The following NEK1 variants were observed in gnomAD, a reference collection of about 807,000 sequenced individuals.
NEK1 encodes NIMA related kinase 1.
In NEK1, 137 loss-of-function variants were observed where a neutral mutation model predicts 182.1. The observed-to-expected ratio is 0.75, with a 90% CI of 0.65 to 0.87. The LOEUF is 0.87. Among genes scored for constraint, NEK1 ranks in the 40% least tolerant of loss-of-function variants. The pLI is 0.00. For synonymous variants in NEK1, 513 were observed against 492.2 expected (o/e 1.04, Z -0.56); for missense variants, 1,391 against 1,494.4 (o/e 0.93, Z 1.14).
chr4:169,473,851 T>C (rs960732048), intron 26 of NEK1, among the ~76,000 whole-genome samples: 1 of 152,112 alleles, frequency 6.6e-6, no homozygotes, highest in African/African-American at 2.4e-5. Flanking sequence ...ATCCAGGATG[T>C]CGAAGCTGTA....
At chr4:169,567,114 G>A (rs1763830059) in intron 12 of NEK1, among the ~76,000 whole-genome samples, 1 of 151,844 alleles carries the variant, frequency 6.6e-6, no homozygotes, top group African/African-American at 2.4e-5. Flanking sequence ...AAAATCAAGG[G>A]AAAAACCTAT....
At chr4:169,399,126 G>A (rs1204937145) in intron 35 of NEK1, among the ~76,000 whole-genome samples, 1 of 151,606 alleles carries the variant, frequency 6.6e-6, no homozygotes, top group Non-Finnish European at 1.5e-5. Flanking sequence ...GCACCTGTAG[G>A]CCAAGCTACT....
rs549434932 is a variant in NEK1, at chr4:169,537,195, C to T, written c.1665+614G>A. Reference sequence around the variant, plus strand: ...CATTTGTGAACCTCTACAAATCAAACTATGAAGAGTTTTAACTACCTCAAA... The same window carrying T: ...CATTTGTGAACCTCTACAAATCAAATTATGAAGAGTTTTAACTACCTCAAA... On this transcript the variant is annotated intron_variant, in intron 19 of 35. Coordinates refer to ENST00000507142, the MANE Select transcript of NEK1 (RefSeq NM_001199397.3). Among the ~76,000 whole-genome samples the T allele has an allele frequency of 2.0e-5, 3 of 152,196 alleles. No individual in the cohort carries two copies. In the South Asian group the frequency reaches 6.2e-4, roughly 32 times the overall value.
At position 169,585,422 on chromosome 4, in the gene NEK1, T is replaced by C. The variant is rs756066992; in HGVS notation, c.734A>G (p.Asp245Gly). The C allele has an allele frequency of 1.9e-6, 3 of 1,613,716 alleles. No individual in the cohort carries two copies. The highest frequency in any genetic ancestry group is 2.5e-6 in the Non-Finnish European group (3 of 1,179,750). Residue 245 changes from aspartate to glycine, a missense_variant, in exon 10 of 36, where the codon GAT (aspartate) becomes GGT (glycine). Around this residue, in one of 5 missense-constraint regions of NEK1, gnomAD observed 1,216 missense variants for 1,277.6 expected, o/e 0.95. Transcript: ENST00000507142. ...VSQLFKRNPRDRPSVNSILEK... is the reference protein window; with the variant it reads ...VSQLFKRNPRGRPSVNSILEK... ...CAATATGGAGTTGACTGATGGTCTA[T>C]CCCTAGGATTTCTTTTAAATAACTG...
At position 169,561,418 on chromosome 4, in the gene NEK1, T is replaced by C. The variant is rs1448233882; in HGVS notation, c.1266+62A>G. On this transcript the variant is annotated intron_variant, in intron 16 of 35. Transcript: ENST00000507142. ...GAAAATCCCAAGTACATGCATTTTATAGAACAAGGTGGAACTGGAGGGGAA... is the reference window on the plus strand; with the variant it reads ...GAAAATCCCAAGTACATGCATTTTACAGAACAAGGTGGAACTGGAGGGGAA... 1.6e-5 allele frequency: 23 copies of C among 1,399,686 alleles called. No individual in the cohort carries two copies. The Middle Eastern group carries it at 5.3e-4, about 32-fold the overall frequency. 86.7% of individuals were successfully genotyped at this position (1,399,686 alleles called of 1,614,324 possible).
chr4:169,502,264 C>A (rs1418743832), intron 23 of NEK1, among the ~76,000 whole-genome samples: 6 of 144,438 alleles, frequency 4.2e-5, no homozygotes, highest in Admixed American at 1.4e-4. Flanking sequence ...AACTACCAAT[C>A]AAAAAAAAAA....
At chr4:169,561,333 T>TA in intron 16 of NEK1, 147 bp downstream of exon 16, 1 of 683,550 alleles carries the variant, frequency 1.5e-6, no homozygotes, top group Non-Finnish European at 2.6e-6. Flanking sequence ...GAAAGCTAAG[T>TA]ATTCATAATA....
intron 12 of NEK1, among the ~76,000 whole-genome samples, chr4:169,568,545 C>G (rs1026890028): frequency 1.3e-5 from 2 of 152,014 alleles, no homozygotes; most frequent in Non-Finnish European, 1.5e-5. Context: ...TAAAAATATA[C>G]AAAAAGTATA....
chr4:169,565,064 C>A (rs1763466683), intron 12 of NEK1, among the ~76,000 whole-genome samples: 1 of 152,160 alleles, frequency 6.6e-6, no homozygotes, highest in Non-Finnish European at 1.5e-5. Flanking sequence ...CTCCTAACCT[C>A]TAATTTTGGC....
chr4:169,525,828 C>A, intron 19 of NEK1, among the ~76,000 whole-genome samples: 1 of 152,264 alleles, frequency 6.6e-6, no homozygotes, highest in South Asian at 2.1e-4. Context: ...AAGGAACAAA[C>A]AACATAGTCA....
At chr4:169,590,646 G>A in intron 6 of NEK1, 80 bp downstream of exon 6, 1 of 902,168 alleles carries the variant, frequency 1.1e-6, no homozygotes, top group South Asian at 1.6e-5. Flanking sequence ...ACTAAATCAG[G>A]TTCAAAAATT....
Position 169,463,245 on chromosome 4 carries a change from CTTCTAATAGTTGTATT to C in NEK1, c.2569_2584del (p.Asn857ValfsTer13). 6.5e-7 allele frequency: 1 copy of C among 1,540,998 alleles called. No homozygotes were observed. ...AAAAACTACCAGTTTCTCCTTACCA[CTTCTAATAGTTGTATT>C]TTCTAATAGTTCTGTCTGAAGTTGT... On this transcript the variant is annotated frameshift_variant, in exon 27 of 36. Coordinates refer to ENST00000507142, the MANE Select transcript of NEK1 (RefSeq NM_001199397.3). LOFTEE classifies it high-confidence loss of function.
intron 2 of NEK1, among the ~76,000 whole-genome samples, chr4:169,603,718 T>A (rs1770868610): frequency 6.6e-6 from 1 of 151,692 alleles, no homozygotes; most frequent in Admixed American, 6.6e-5. Flanking sequence ...TTTTTTTTTT[T>A]TTTTTTTAAG....
At chr4:169,554,205 C>T (rs72692928) in intron 18 of NEK1, 13,561 of 152,240 alleles carry the variant, frequency 0.089, 794 homozygotes, top group African/African-American at 0.16. Flanking sequence ...ACTGCTTGAA[C>T]CCAGGAGTTC....
intron 19 of NEK1, among the ~76,000 whole-genome samples, chr4:169,527,452 A>C (rs904045291): frequency 1.3e-5 from 2 of 152,198 alleles, no homozygotes; most frequent in Admixed American, 1.3e-4. Context: ...AGTTAAAAGA[A>C]AAGGTATAAC....
At chr4:169,578,190 G>T (rs143718774) in intron 11 of NEK1, among the ~76,000 whole-genome samples, 276 of 152,132 alleles carry the variant, frequency 1.8e-3, no homozygotes, top group African/African-American at 6.5e-3. Flanking sequence ...AACACCCTAA[G>T]GTAATAAAAA....
Position 169,456,920 on chromosome 4 carries a change from G to A in NEK1, c.2587+6323C>T, listed in dbSNP as rs529900911. ...TCCTGTCAGTTTCATGTATGGAACT[G>A]GAGGTCATTATATTAAGTGATATAA... On this transcript the variant is annotated intron_variant, in intron 27 of 35. Coordinates refer to ENST00000507142, the MANE Select transcript of NEK1 (RefSeq NM_001199397.3). 1.2e-3 allele frequency among the ~76,000 whole-genome samples: 184 copies of A among 152,296 alleles called. 2 individuals are homozygous for A. The highest frequency in any genetic ancestry group is 4.0e-3 in the African/African-American group (165 of 41,582).
intron 26 of NEK1, among the ~76,000 whole-genome samples, chr4:169,466,596 A>T (rs1189792407): frequency 6.6e-6 from 1 of 152,098 alleles, no homozygotes; most frequent in Non-Finnish European, 1.5e-5. Flanking sequence ...TAAATAAAAT[A>T]AAAATAAAAA....
intron 18 of NEK1, among the ~76,000 whole-genome samples, chr4:169,539,362 CATTTATAT>C (rs1346405435): frequency 6.6e-6 from 1 of 152,084 alleles, no homozygotes; most frequent in Non-Finnish European, 1.5e-5. Context: ...TATATAGCCC[CATTTATAT>C]AAGGCTGGGC....
Sources: gnomAD v4.1 joint callset for allele counts (sites outside exome capture counted in the v4.1 genomes callset) on GRCh38, gnomAD v4.1.1 for gene constraint, gnomAD v4.1.1 regional missense constraint, MANE v1.5 for transcripts, NCBI Gene and HGNC (gene_info 2026-07-23, HGNC 2026-07-21) for gene names.